SGSM1: variants seen among roughly 807,000 people sequenced by gnomAD.
SGSM1 encodes RUN and TBC1 domain containing 2.
A neutral mutation model predicts 133.8 loss-of-function variants in SGSM1; 73 were observed. The observed-to-expected ratio is 0.55, with a 90% CI of 0.45 to 0.66. The LOEUF (loss-of-function observed/expected upper bound fraction) is 0.66, where lower values mean the gene tolerates loss of function less well. Among genes scored for constraint, SGSM1 ranks in the 30% least tolerant of loss-of-function variants. SGSM1 has a pLI of 0.00. For missense variants in SGSM1, 1,213 were observed against 1,448.1 expected (o/e 0.84, Z 2.64); for synonymous variants, 563 against 573.0 (o/e 0.98, Z 0.25).
Position 24,879,382 on chromosome 22 carries a change from T to C in SGSM1, c.1431-80T>C, listed in dbSNP as rs984923689. ...CTGATATTAATCTGCCCTCTAGAGA[T>C]AGCACGTGGTTATCCTCTCCAGAAA... On this transcript the variant is annotated intron_variant, in intron 13 of 24. Coordinates refer to ENST00000400358, the MANE Select transcript of SGSM1 (RefSeq NM_001098497.3). 60 of 1,358,914 alleles carry C rather than the reference T, an allele frequency of 4.4e-5. 1 individual carries two copies. The Admixed American group carries it at 5.0e-4, about 11-fold the overall frequency. 84.2% of individuals were successfully genotyped at this position (1,358,914 alleles called of 1,614,324 possible).
At position 24,850,311 on chromosome 22, in the gene SGSM1, G is replaced by T. The variant is rs1319814886; in HGVS notation, c.334G>T (p.Val112Leu). The T allele has an allele frequency of 6.2e-7, 1 of 1,610,358 alleles. No homozygotes were observed. Among genetic ancestry groups the T allele is most frequent in the Non-Finnish European group, 8.5e-7 (1 of 1,178,322 alleles). The change falls in exon 5 of 25, where the codon GTG (valine) becomes TTG (leucine). Residue 112 changes from valine (V) to leucine (L), a missense_variant. By Grantham distance (32) the Val-to-Leu change is conservative (BLOSUM62 1). Transcript: ENST00000400358. ...RNQIQGLQEN[V>L]RKLPKLPNLS... The stretch of plus-strand genomic sequence containing the variant: ...CCAGATTCAAGGCCTCCAGGAGAAT[G>T]TGCGGAAGCTGCCGAAGCTGCCCAA...
chr22:24,875,626 C>T (rs567641814), intron 12 of SGSM1, among the ~76,000 whole-genome samples: 11 of 142,990 alleles, frequency 7.7e-5, no homozygotes, highest in African/African-American at 2.3e-4. Context: ...GGCAATAAAG[C>T]GAGACTCCAT....
intron 2 of SGSM1, among the ~76,000 whole-genome samples, chr22:24,815,606 G>A (rs532766689): frequency 5.3e-5 from 8 of 152,246 alleles, no homozygotes; most frequent in East Asian, 1.9e-4. Context: ...TTAGCCGGGC[G>A]TGGTGGCGGG....
chr22:24,857,400 T>G (rs968199956), intron 8 of SGSM1, among the ~76,000 whole-genome samples: 1 of 103,542 alleles, frequency 9.7e-6, no homozygotes, highest in Non-Finnish European at 1.9e-5. Context: ...AGAGCGAGAC[T>G]CTGTCTCAAA....
At chr22:24,895,085 T>C (rs1208760526) in intron 17 of SGSM1, 138 bp from the exon 18 acceptor site, 4 of 816,382 alleles carry the variant, frequency 4.9e-6, no homozygotes, top group Non-Finnish European at 8.0e-6. Context: ...GCTAGGAAAC[T>C]GATGCTCTGA....
At chr22:24,891,848 G>A (rs116892768) in intron 16 of SGSM1, among the ~76,000 whole-genome samples, 2,736 of 152,226 alleles carry the variant, frequency 0.018, 39 homozygotes, top group Non-Finnish European at 0.028. Context: ...GGCCAAGAGG[G>A]TGAAGAAGGG....
At chr22:24,854,196 A>G (rs1392275878) in intron 5 of SGSM1, among the ~76,000 whole-genome samples, 1 of 152,118 alleles carries the variant, frequency 6.6e-6, no homozygotes. Flanking sequence ...CCCAGGGGGC[A>G]TTTTTGAGCA....
intron 13 of SGSM1, among the ~76,000 whole-genome samples, chr22:24,877,835 G>GTTTT: frequency 1.2e-5 from 1 of 83,196 alleles, no homozygotes; most frequent in Non-Finnish European, 2.2e-5. Context: ...TTTTGAGACT[G>GTTTT]AGTCTCTTTC....
At chr22:24,807,723 C>T (rs565431624) in intron 2 of SGSM1, among the ~76,000 whole-genome samples, 3 of 151,706 alleles carry the variant, frequency 2.0e-5, no homozygotes, top group South Asian at 2.1e-4. Flanking sequence ...TGTGTACATG[C>T]GTGCATGTGT....
intron 17 of SGSM1, among the ~76,000 whole-genome samples, chr22:24,893,908 C>T (rs182371278): frequency 1.3e-3 from 203 of 152,182 alleles, no homozygotes; most frequent in African/African-American, 4.5e-3. Flanking sequence ...ACAGTCCAAA[C>T]AAGACAATGT....
At chr22:24,917,371 TTTTTAA>T (rs1933856705) in intron 22 of SGSM1, among the ~76,000 whole-genome samples, 1 of 152,236 alleles carries the variant, frequency 6.6e-6, no homozygotes, top group African/African-American at 2.4e-5. Context: ...TTGTCTGTCA[TTTTTAA>T]TTTTAACTAT....
At chr22:24,837,080 G>A (rs1022166405) in intron 2 of SGSM1, among the ~76,000 whole-genome samples, 6 of 152,314 alleles carry the variant, frequency 3.9e-5, no homozygotes, top group African/African-American at 1.4e-4. Context: ...AAAGACACAA[G>A]ACAAAGAGAC....
At chr22:24,854,437 G>A (rs538432053) in intron 5 of SGSM1, among the ~76,000 whole-genome samples, 1 of 152,214 alleles carries the variant, frequency 6.6e-6, no homozygotes, top group South Asian at 2.1e-4. Context: ...CTATTATAAA[G>A]GCTCTATCAT....
chr22:24,828,485 A>C (rs1340913296), intron 2 of SGSM1, among the ~76,000 whole-genome samples: 2 of 152,242 alleles, frequency 1.3e-5, no homozygotes, highest in African/African-American at 4.8e-5. Flanking sequence ...AAAGACATGC[A>C]TGCAGCCAAC....
At position 24,898,175 on chromosome 22, in the gene SGSM1, G is replaced by A; in HGVS notation, c.2226G>A (p.Gln742=). 6.2e-7 allele frequency: 1 copy of A among 1,614,000 alleles called. No individual in the cohort carries two copies. The highest frequency in any genetic ancestry group is 1.1e-5 in the South Asian group (1 of 91,080). ...LSTEDSVLDA[Q]RNTPTVLRPR... ...CAGAAGACAGTGTCTTGGACGCCCAGCGGAACACCCCCACGGTGCTGCGAC... is the reference window on the plus strand; with the variant it reads ...CAGAAGACAGTGTCTTGGACGCCCAACGGAACACCCCCACGGTGCTGCGAC... The change falls in exon 19 of 25, where the codon CAG becomes CAA. Residue 742 remains glutamine, a synonymous_variant. Coordinates refer to ENST00000400358, the MANE Select transcript of SGSM1 (RefSeq NM_001098497.3).
intron 22 of SGSM1, among the ~76,000 whole-genome samples, chr22:24,913,186 T>C (rs1933695471): frequency 6.7e-6 from 1 of 149,130 alleles, no homozygotes; most frequent in Admixed American, 6.8e-5. Flanking sequence ...CCAGCTACTC[T>C]GGAGGCTGAG....
At chr22:24,882,711 T>C (rs1017282595) in intron 14 of SGSM1, among the ~76,000 whole-genome samples, 2 of 152,118 alleles carry the variant, frequency 1.3e-5, no homozygotes, top group Non-Finnish European at 2.9e-5. Flanking sequence ...ACTCTCCACC[T>C]CCATGAAAAC....
intron 2 of SGSM1, among the ~76,000 whole-genome samples, chr22:24,831,023 A>C (rs1016508868): frequency 1.1e-4 from 16 of 152,098 alleles, no homozygotes; most frequent in African/African-American, 3.6e-4. Flanking sequence ...AGGCTTCTGC[A>C]TCCTGTGTGG....
intron 20 of SGSM1, among the ~76,000 whole-genome samples, chr22:24,903,093 A>G (rs1047388753): frequency 1.3e-5 from 2 of 152,230 alleles, no homozygotes; most frequent in African/African-American, 4.8e-5. Context: ...TAAGATAGAA[A>G]GAGAAACTTC....
Sources: allele counts gnomAD v4.1 joint callset (sites outside exome capture counted in the v4.1 genomes callset), GRCh38; gene constraint gnomAD v4.1.1; transcripts MANE v1.5; gene names NCBI Gene and HGNC (gene_info 2026-07-23, HGNC 2026-07-21).